PACS1: variants seen among roughly 807,000 people sequenced by gnomAD.
The protein encoded by PACS1 is PACS-1.
Under a neutral mutation model 115.0 loss-of-function variants are expected in PACS1, and 24 were observed. The ratio of observed to expected loss-of-function variants is 0.21; its 90% CI spans 0.15 to 0.29. PACS1 has a LOEUF of 0.29. Ranked by LOEUF, PACS1 falls within the 10% of genes least tolerant of loss-of-function variation. The pLI is 1.00. For synonymous variants in PACS1, 453 were observed against 504.5 expected, an observed-to-expected ratio of 0.90 and a Z score of 1.37; for missense variants, 838 against 1,251.2, an observed-to-expected ratio of 0.67 and a Z score of 4.98.
chr11:66,230,955 C>T lies in PACS1; in HGVS notation c.1626+15C>T. The T allele has an allele frequency of 1.2e-6, 2 of 1,613,494 alleles. No individual in the cohort carries two copies. Among genetic ancestry groups the T allele is most frequent in the Non-Finnish European group, 1.7e-6 (2 of 1,179,962 alleles). On this transcript the variant is annotated intron_variant, in intron 13 of 23. Transcript: ENST00000320580. ...ACAGCACGCAGGTACTTCTGGGTGC[C>T]CCCAAAACACCAGGACCCTCTGAGA... is the stretch of plus-strand genomic sequence containing the variant.
At chr11:66,096,209 CTTTTTTTTTTTTTTT>C (rs66569530) in intron 1 of PACS1, among the ~76,000 whole-genome samples, 5 of 119,462 alleles carry the variant, frequency 4.2e-5, no homozygotes, top group Non-Finnish European at 1.6e-5. Context: ...CTTTTTCTTT[CTTTTTTTTTTTTTTT>C]TTTTTTTTTG....
At chr11:66,211,529 G>A (rs1855069349) in intron 4 of PACS1, among the ~76,000 whole-genome samples, 1 of 152,152 alleles carries the variant, frequency 6.6e-6, no homozygotes, top group African/African-American at 2.4e-5. Context: ...TACAAGAATA[G>A]TACAAAGAGT....
chr11:66,232,059 C>T, intron 13 of PACS1, 113 bp from the exon 14 acceptor site: 2 of 658,896 alleles, frequency 3.0e-6, no homozygotes, highest in Non-Finnish European at 5.5e-6. Flanking sequence ...GTCCTGATAT[C>T]TGTTCTCTCT....
intron 1 of PACS1, among the ~76,000 whole-genome samples, chr11:66,130,677 G>A (rs140432091): frequency 6.6e-6 from 1 of 152,222 alleles, no homozygotes; most frequent in East Asian, 1.9e-4. Flanking sequence ...TTTATATGGT[G>A]CTTTTAGCCA....
intron 1 of PACS1, among the ~76,000 whole-genome samples, chr11:66,123,236 G>A (rs1304970006): frequency 2.0e-5 from 3 of 151,018 alleles, no homozygotes; most frequent in Non-Finnish European, 4.4e-5. Flanking sequence ...TGGTTGCCCG[G>A]GCTAGAGTGC....
intron 1 of PACS1, among the ~76,000 whole-genome samples, chr11:66,128,963 C>T (rs556142930): frequency 6.6e-6 from 1 of 151,052 alleles, no homozygotes; most frequent in East Asian, 1.9e-4. Context: ...AAAGGGGTGG[C>T]GTGGCTGCAG....
chr11:66,079,354 A>G (rs1488857248), intron 1 of PACS1, among the ~76,000 whole-genome samples: 1 of 92,800 alleles, frequency 1.1e-5, no homozygotes. Flanking sequence ...GTCTGGGTAA[A>G]AAAAAAAAAA....
chr11:66,193,193 T>C lies in PACS1; in HGVS notation c.357-293T>C, dbSNP rs1292576210. 2.6e-5 allele frequency among the ~76,000 whole-genome samples: 4 copies of C among 152,308 alleles called. No homozygotes were observed. The East Asian group carries it at 5.8e-4, about 22-fold the overall frequency. On this transcript the variant is annotated intron_variant, in intron 1 of 23. Transcript: ENST00000320580. ...TAATGTACCTTTTGACACTTAACTT[T>C]AGAAGCTGGGCATGGTGGCATGTGC...
intron 1 of PACS1, among the ~76,000 whole-genome samples, chr11:66,125,862 A>G (rs1458120471): frequency 6.6e-6 from 1 of 152,144 alleles, no homozygotes; most frequent in Non-Finnish European, 1.5e-5. Context: ...CAACATGGTG[A>G]AACCTCGTCT....
In PACS1 at chr11:66,233,893, G is replaced by A. The variant is rs1323350166; in HGVS notation, c.1947G>A (p.Lys649=). ...TCTTTGTCAAGTCCCTGGCCAACAA[G>A]ACCTCCGACTGGCTTGGCTACATGC... ...LRFFVKSLAN[K]TSDWLGYMRF... Residue 649 remains lysine (K), a synonymous_variant, in exon 16 of 24, where the codon AAG becomes AAA. Transcript: ENST00000320580. The surrounding 1 kb of genome is among the most constrained non-coding windows in gnomAD (Gnocchi z 4.5). 1 of 1,597,698 alleles carries A rather than the reference G, an allele frequency of 6.3e-7. No individual in the cohort carries two copies. The highest frequency in any genetic ancestry group is 8.5e-7 in the Non-Finnish European group (1 of 1,171,268).
At chr11:66,119,371 C>G (rs1375299876) in intron 1 of PACS1, among the ~76,000 whole-genome samples, 2 of 152,242 alleles carry the variant, frequency 1.3e-5, no homozygotes, top group African/African-American at 4.8e-5. Context: ...GCTGCTTTCT[C>G]CCTACAACGG....
intron 2 of PACS1, among the ~76,000 whole-genome samples, chr11:66,206,289 T>C (rs1289538255): frequency 6.6e-6 from 1 of 152,204 alleles, no homozygotes; most frequent in African/African-American, 2.4e-5. Context: ...GTTATATAGA[T>C]AAACAAATGA....
Position 66,227,596 on chromosome 11 carries a change from T to G in PACS1, c.1374+12T>G. On this transcript the variant is annotated intron_variant, in intron 11 of 23. Coordinates refer to ENST00000320580, the MANE Select transcript of PACS1 (RefSeq NM_018026.4). ...AAACAGACACTCTGGTATGTATGGGTCAGTTTCCTGTTTCAGCTGTTTCAA... is the reference window on the plus strand; with the variant it reads ...AAACAGACACTCTGGTATGTATGGGGCAGTTTCCTGTTTCAGCTGTTTCAA... 6.4e-7 allele frequency: 1 copy of G among 1,554,768 alleles called. No homozygotes were observed. Among genetic ancestry groups the G allele is most frequent in the Non-Finnish European group, 8.8e-7 (1 of 1,135,746 alleles).
chr11:66,106,651 T>C (rs574206685), intron 1 of PACS1, among the ~76,000 whole-genome samples: 4 of 150,780 alleles, frequency 2.7e-5, no homozygotes, highest in African/African-American at 9.8e-5. Context: ...GGTGAAGAGG[T>C]AGGCTGAGGT....
At chr11:66,174,018 C>T (rs868143926) in intron 1 of PACS1, among the ~76,000 whole-genome samples, 2 of 151,908 alleles carry the variant, frequency 1.3e-5, no homozygotes, top group African/African-American at 4.8e-5. Context: ...TGCCATTGCA[C>T]TCCAGCTGGG....
intron 1 of PACS1, among the ~76,000 whole-genome samples, chr11:66,170,056 A>G (rs1037236903): frequency 5.3e-5 from 8 of 150,640 alleles, no homozygotes; most frequent in Admixed American, 2.0e-4. Flanking sequence ...GTTAAATTAT[A>G]TGTTTCTAGA....
At chr11:66,112,846 T>C (rs1278763697) in intron 1 of PACS1, among the ~76,000 whole-genome samples, 1 of 152,208 alleles carries the variant, frequency 6.6e-6, no homozygotes, top group East Asian at 1.9e-4. Context: ...CATCAACACA[T>C]GAATGAATAA....
chr11:66,111,067 T>C (rs1858176785), intron 1 of PACS1, among the ~76,000 whole-genome samples: 1 of 152,174 alleles, frequency 6.6e-6, no homozygotes. Flanking sequence ...CATCATTGAG[T>C]GTACTTACAC....
intron 1 of PACS1, among the ~76,000 whole-genome samples, chr11:66,162,673 A>G (rs1286384283): frequency 2.0e-5 from 3 of 152,328 alleles, no homozygotes; most frequent in East Asian, 1.9e-4. Context: ...GTTGTCTTAA[A>G]CCACCAAGTT....
Sources: allele counts gnomAD v4.1 joint callset (sites outside exome capture counted in the v4.1 genomes callset), GRCh38; gene constraint gnomAD v4.1.1; non-coding constraint Gnocchi (gnomAD v3.1); transcripts MANE v1.5; gene names NCBI Gene and HGNC (gene_info 2026-07-23, HGNC 2026-07-21).